Variants in NHEJ1 observed in about 807,000 individuals in gnomAD.
The protein encoded by NHEJ1 is non-homologous end joining factor 1.
In NHEJ1, 22 loss-of-function variants were observed where a neutral mutation model predicts 39.4. The observed-to-expected ratio is 0.56, with a 90% confidence interval of 0.40 to 0.80. The LOEUF (loss-of-function observed/expected upper bound fraction) is 0.80, where lower values mean the gene tolerates loss of function less well. Ranked by LOEUF, NHEJ1 falls within the 30% of genes least tolerant of loss-of-function variation. The pLI is 0.00. For missense variants in NHEJ1, 329 were observed against 357.1 expected (o/e 0.92, Z 0.63); for synonymous variants, 154 against 135.6 (o/e 1.14, Z -0.94).
chr2:219,105,631 G>C (rs1198278278), intron 5 of NHEJ1, among the ~76,000 whole-genome samples: 2 of 152,144 alleles, frequency 1.3e-5, no homozygotes, highest in Non-Finnish European at 2.9e-5. Flanking sequence ...AAAACCTCTT[G>C]AAATAAAGAA....
intron 5 of NHEJ1, among the ~76,000 whole-genome samples, chr2:219,080,560 T>G (rs1452859220): frequency 7.0e-6 from 1 of 143,848 alleles, no homozygotes; most frequent in African/African-American, 2.6e-5. Context: ...AATATATATA[T>G]ATATATATGC....
At chr2:219,143,939 G>A (rs558298527) in intron 5 of NHEJ1, among the ~76,000 whole-genome samples, 2 of 152,274 alleles carry the variant, frequency 1.3e-5, no homozygotes, top group East Asian at 3.9e-4. Context: ...AGTGGCTCAC[G>A]CCTGTAATCT....
At chr2:219,083,660 C>T (rs1211755326) in intron 5 of NHEJ1, among the ~76,000 whole-genome samples, 2 of 152,086 alleles carry the variant, frequency 1.3e-5, no homozygotes, top group African/African-American at 4.8e-5. Context: ...GGGATCAAGA[C>T]TAACAACATT....
At chr2:219,102,059 T>C (rs1949266728) in intron 5 of NHEJ1, among the ~76,000 whole-genome samples, 1 of 152,222 alleles carries the variant, frequency 6.6e-6, no homozygotes, top group African/African-American at 2.4e-5. Context: ...TATTATATTA[T>C]ATGGATAAGC....
chr2:219,131,677 T>C (rs1949580255), intron 5 of NHEJ1, among the ~76,000 whole-genome samples: 2 of 152,248 alleles, frequency 1.3e-5, no homozygotes, highest in South Asian at 4.1e-4. Flanking sequence ...TGTTAGTACA[T>C]TTCCTCACAC....
At position 219,070,017 on chromosome 2, in the gene NHEJ1, T is replaced by G. The variant is rs1948942114; in HGVS notation, c.*6364A>C. Among the ~76,000 whole-genome samples, 1 of 152,144 alleles carries G rather than the reference T, an allele frequency of 6.6e-6. No individual in the cohort carries two copies. Among genetic ancestry groups the G allele is most frequent in the Non-Finnish European group, 1.5e-5 (1 of 68,018 alleles). ...CAGGAATCATTAAACATGCATTAAC[T>G]CAAATTATATACTTATTGACTGCAC... On this transcript the variant is annotated 3_prime_UTR_variant, in exon 8 of 8. Coordinates refer to ENST00000356853, the MANE Select transcript of NHEJ1 (RefSeq NM_024782.3).
rs543898195 is a variant in NHEJ1, at chr2:219,160,047, C to T, written c.-1+673G>A. 2.5e-3 allele frequency among the ~76,000 whole-genome samples: 380 copies of T among 152,218 alleles called. 3 individuals are homozygous for T. The highest frequency in any genetic ancestry group is 8.3e-3 in the African/African-American group (345 of 41,530). ...CACCACACGCGTCCCGTTCTGCGTC[C>T]GAAGCTTCTACACTTCATCCTTTTC... On this transcript the variant is annotated intron_variant, in intron 1 of 7. Transcript: ENST00000356853.
intron 5 of NHEJ1, chr2:219,102,654 T>C (rs1299349732): frequency 1.3e-5 from 2 of 151,810 alleles, no homozygotes; most frequent in African/African-American, 4.8e-5. Context: ...ACTCCCATGC[T>C]GATTAGTAGT....
chr2:219,146,335 C>T (rs776282047), intron 5 of NHEJ1, among the ~76,000 whole-genome samples: 5 of 152,196 alleles, frequency 3.3e-5, no homozygotes, highest in Non-Finnish European at 7.3e-5. Flanking sequence ...CCTTCTCCTC[C>T]ACAGTCCAGA....
intron 5 of NHEJ1, among the ~76,000 whole-genome samples, chr2:219,105,397 G>A (rs1487813509): frequency 6.6e-6 from 1 of 152,070 alleles, no homozygotes; most frequent in Non-Finnish European, 1.5e-5. Context: ...TAAGACATGT[G>A]GTTAATTATC....
intron 5 of NHEJ1, 53 bp from the exon 6 acceptor site, chr2:219,078,259 G>C: frequency 1.4e-6 from 2 of 1,434,646 alleles, no homozygotes; most frequent in East Asian, 4.5e-5. Flanking sequence ...CTAGAGAAGC[G>C]ATCTAATACC....
chr2:219,105,882 GTAT>G (rs1426652970), intron 5 of NHEJ1, among the ~76,000 whole-genome samples: 1 of 152,156 alleles, frequency 6.6e-6, no homozygotes, highest in Non-Finnish European at 1.5e-5. Context: ...TTTCAATTCA[GTAT>G]TTACATGTCC....
chr2:219,147,537 G>A (rs1949752968), intron 4 of NHEJ1, 120 bp downstream of exon 4: 1 of 1,206,360 alleles, frequency 8.3e-7, no homozygotes, highest in Non-Finnish European at 1.2e-6. Context: ...TTTCTGGTTA[G>A]TATTCAGCAC....
chr2:219,126,162 G>T (rs1449138857), intron 5 of NHEJ1, among the ~76,000 whole-genome samples: 1 of 152,206 alleles, frequency 6.6e-6, no homozygotes, highest in Non-Finnish European at 1.5e-5. Flanking sequence ...TCAATGGGCA[G>T]ATTTTAGGAT....
At chr2:219,134,829 GGAGTTCGAGACCAGCCTGGCCAACA>G (rs1351180149) in intron 5 of NHEJ1, among the ~76,000 whole-genome samples, 1 of 151,874 alleles carries the variant, frequency 6.6e-6, no homozygotes, top group Non-Finnish European at 1.5e-5. Context: ...CACGAGGTCA[GGAGTTCGAGACCAGCCTGGCCAACA>G]TGGTGAAACC....
In NHEJ1 at chr2:219,111,562, AC is replaced by A. The variant is rs1949364976; in HGVS notation, c.589-33357del. Among the ~76,000 whole-genome samples, 1 of 151,986 alleles carries A rather than the reference AC, an allele frequency of 6.6e-6. No individual in the cohort carries two copies. The highest frequency in any genetic ancestry group is 6.6e-5 in the Admixed American group (1 of 15,256). ...TTTAGCCCCAAATGTCTTTCATGAGACAGTGTGGCCAAGCCAGTGGGCTGCA... is the reference window on the plus strand; with the variant it reads ...TTTAGCCCCAAATGTCTTTCATGAGAAGTGTGGCCAAGCCAGTGGGCTGCA... On this transcript the variant is annotated intron_variant, in intron 5 of 7. Coordinates refer to ENST00000356853, the MANE Select transcript of NHEJ1 (RefSeq NM_024782.3). The surrounding 1 kb of genome is among the most constrained non-coding windows in gnomAD (Gnocchi z 4.1).
chr2:219,107,820 G>A (rs1949327928), intron 5 of NHEJ1, among the ~76,000 whole-genome samples: 1 of 152,022 alleles, frequency 6.6e-6, no homozygotes. Flanking sequence ...ATATACATAT[G>A]GCAAAACTAA....
At chr2:219,155,392 C>A (rs1262568870) in intron 3 of NHEJ1, among the ~76,000 whole-genome samples, 1 of 151,570 alleles carries the variant, frequency 6.6e-6, no homozygotes, top group African/African-American at 2.4e-5. Context: ...CAGAGAGACC[C>A]CCCATCTCTA....
At chr2:219,083,937 G>C (rs1428950448) in intron 5 of NHEJ1, among the ~76,000 whole-genome samples, 1 of 151,686 alleles carries the variant, frequency 6.6e-6, no homozygotes, top group East Asian at 1.9e-4. Flanking sequence ...CTTGACCTAT[G>C]ATGGGGCTAT....
Sources: gnomAD v4.1 joint callset for allele counts (sites outside exome capture counted in the v4.1 genomes callset) on GRCh38, gnomAD v4.1.1 for gene constraint, Gnocchi (gnomAD v3.1) non-coding constraint, MANE v1.5 for transcripts, NCBI Gene and HGNC (gene_info 2026-07-23, HGNC 2026-07-21) for gene names.